DLG2: variants seen among roughly 807,000 people sequenced by gnomAD.
DLG2 encodes the protein disks large homolog 2.
In DLG2, 45 loss-of-function variants were observed where a neutral mutation model predicts 132.5. The observed-to-expected ratio is 0.34, with a 90% CI of 0.27 to 0.44. DLG2 has a LOEUF of 0.44. DLG2 is among the 20% of genes least tolerant of loss of function. DLG2 has a pLI of 1.00. For synonymous variants in DLG2, 424 were observed against 419.6 expected (o/e 1.01, Z -0.13); for missense variants, 1,045 against 1,196.9 (o/e 0.87, Z 1.87).
intron 18 of DLG2, among the ~76,000 whole-genome samples, chr11:83,705,551 T>C (rs990093205): frequency 6.6e-6 from 1 of 152,144 alleles, no homozygotes; most frequent in Non-Finnish European, 1.5e-5. Flanking sequence ...ATTGTGATAA[T>C]AAAACATCAA....
intron 6 of DLG2, among the ~76,000 whole-genome samples, chr11:84,615,825 A>AAAAAAAAAAAAC (rs2099603209): frequency 2.1e-5 from 3 of 144,468 alleles, no homozygotes; most frequent in Admixed American, 2.0e-4. Context: ...CGGTAAAAAA[A>AAAAAAAAAAAAC]AAAAAAAAAA....
intron 11 of DLG2, among the ~76,000 whole-genome samples, chr11:83,984,227 T>TAGATAGAG (rs1491318299): frequency 2.7e-5 from 3 of 110,670 alleles, no homozygotes; most frequent in African/African-American, 1.3e-4. Context: ...GATAGATAGA[T>TAGATAGAG]AGATAGATAA....
At chr11:84,024,144 T>A (rs1221175364) in intron 11 of DLG2, among the ~76,000 whole-genome samples, 1 of 152,078 alleles carries the variant, frequency 6.6e-6, no homozygotes, top group East Asian at 1.9e-4. Context: ...GGGTCAACAA[T>A]ACATGCTTTC....
intron 6 of DLG2, among the ~76,000 whole-genome samples, chr11:84,823,270 A>C (rs1205824161): frequency 6.6e-6 from 1 of 151,886 alleles, no homozygotes; most frequent in Admixed American, 6.6e-5. Context: ...ATGACCTACT[A>C]GTATTATAGA....
intron 6 of DLG2, among the ~76,000 whole-genome samples, chr11:84,866,797 A>G (rs1020094314): frequency 3.3e-5 from 5 of 152,322 alleles, no homozygotes; most frequent in African/African-American, 1.2e-4. Flanking sequence ...AGAAACTTAA[A>G]AAGTGAAGAA....
chr11:84,464,008 C>A (rs1262334873), intron 7 of DLG2, among the ~76,000 whole-genome samples: 2 of 151,170 alleles, frequency 1.3e-5, no homozygotes, highest in African/African-American at 4.8e-5. Flanking sequence ...CAACATACAT[C>A]AAATATGCAA....
intron 18 of DLG2, among the ~76,000 whole-genome samples, chr11:83,695,495 CA>C (rs1187665394): frequency 6.6e-6 from 1 of 152,196 alleles, no homozygotes; most frequent in African/African-American, 2.4e-5. Flanking sequence ...CTAATCCCAG[CA>C]CTTTGGGAGG....
chr11:84,142,182 G>C (rs1428029749), intron 9 of DLG2, among the ~76,000 whole-genome samples: 3 of 151,836 alleles, frequency 2.0e-5, no homozygotes, highest in African/African-American at 7.3e-5. Flanking sequence ...CATGCCTGTG[G>C]TCCCAGCTAC....
chr11:85,324,727 A>G (rs2081319843), intron 3 of DLG2, among the ~76,000 whole-genome samples: 1 of 150,442 alleles, frequency 6.6e-6, no homozygotes, highest in African/African-American at 2.4e-5. Context: ...TGACTGAAAA[A>G]CGGTGTGCTT....
intron 5 of DLG2, among the ~76,000 whole-genome samples, chr11:85,147,287 T>C (rs980556285): frequency 2.0e-5 from 3 of 152,174 alleles, no homozygotes; most frequent in Non-Finnish European, 4.4e-5. Context: ...TATTCAGCCA[T>C]CTTCCTCTGC....
chr11:84,678,423 T>C (rs548370655), intron 6 of DLG2, among the ~76,000 whole-genome samples: 1 of 152,148 alleles, frequency 6.6e-6, no homozygotes, highest in African/African-American at 2.4e-5. Flanking sequence ...ATTAAGGAAG[T>C]AGTATATGGA....
intron 19 of DLG2, among the ~76,000 whole-genome samples, chr11:83,609,101 A>AATT (rs1486904522): frequency 6.6e-6 from 1 of 152,228 alleles, no homozygotes; most frequent in Non-Finnish European, 1.5e-5. Flanking sequence ...TCATAGGATG[A>AATT]ATTAAATCAG....
At chr11:85,193,254 C>T (rs767764680) in intron 4 of DLG2, among the ~76,000 whole-genome samples, 3 of 152,162 alleles carry the variant, frequency 2.0e-5, no homozygotes, top group Non-Finnish European at 4.4e-5. Flanking sequence ...GCAGCACACG[C>T]TTTTTATGGC....
At chr11:84,532,331 A>G (rs1049440089) in intron 7 of DLG2, among the ~76,000 whole-genome samples, 1 of 152,100 alleles carries the variant, frequency 6.6e-6, no homozygotes, top group Non-Finnish European at 1.5e-5. Flanking sequence ...TGACTTAAAT[A>G]TAATACTAAT....
intron 7 of DLG2, among the ~76,000 whole-genome samples, chr11:84,366,443 G>A (rs2098682969): frequency 6.6e-6 from 1 of 151,238 alleles, no homozygotes; most frequent in South Asian, 2.1e-4. Context: ...ATAATGACAG[G>A]ATCAAATTCA....
At chr11:84,573,752 T>C (rs1224404183) in intron 6 of DLG2, among the ~76,000 whole-genome samples, 1 of 152,208 alleles carries the variant, frequency 6.6e-6, no homozygotes, top group Non-Finnish European at 1.5e-5. Context: ...GAGGAAAAGC[T>C]GTCCATGACT....
chr11:85,516,334 T>A (rs2094168033), intron 3 of DLG2, among the ~76,000 whole-genome samples: 1 of 151,874 alleles, frequency 6.6e-6, no homozygotes, highest in South Asian at 2.1e-4. Context: ...AATTTATACA[T>A]CCAAAGGACA....
intron 3 of DLG2, among the ~76,000 whole-genome samples, chr11:85,444,292 G>A (rs985296330): frequency 4.6e-5 from 7 of 152,200 alleles, no homozygotes; most frequent in African/African-American, 1.4e-4. Flanking sequence ...GGGTAGGAAT[G>A]CCAGCACTGG....
intron 15 of DLG2, among the ~76,000 whole-genome samples, chr11:83,918,492 C>T (rs940772525): frequency 6.6e-6 from 1 of 152,160 alleles, no homozygotes; most frequent in Non-Finnish European, 1.5e-5. Context: ...AGGTTTGTTG[C>T]TCCTGAACCT....
Sources: gnomAD v4.1 joint callset for allele counts (sites outside exome capture counted in the v4.1 genomes callset) on GRCh38, gnomAD v4.1.1 for gene constraint, MANE v1.5 for transcripts, NCBI Gene and HGNC (gene_info 2026-07-23, HGNC 2026-07-21) for gene names.